The following NOC3L variants were observed in gnomAD, a reference collection of about 807,000 sequenced individuals.
The protein encoded by NOC3L is nucleolar complex protein 3 homolog.
In NOC3L, 85 loss-of-function variants were observed where a neutral mutation model predicts 102.5. That is an observed-to-expected ratio of 0.83 (90% CI 0.70 to 0.99). The LOEUF (loss-of-function observed/expected upper bound fraction) is 0.99, where lower values mean the gene tolerates loss of function less well. Ranked by LOEUF, NOC3L falls within the 50% of genes least tolerant of loss-of-function variation. The pLI is 0.00. For missense variants in NOC3L, 878 were observed against 914.9 expected (o/e 0.96, Z 0.52); for synonymous variants, 303 against 309.4 (o/e 0.98, Z 0.22).
chr10:94,327,169 A>C, the NOC3L span, among the ~76,000 whole-genome samples: 1 of 152,216 alleles, frequency 6.6e-6, no homozygotes, highest in Non-Finnish European at 1.5e-5. Context: ...TCAAAACAAA[A>C]GCTAGGGAGG....
chr10:94,319,864 C>CTTTTTTTTTTTTTTTTTTTT, the NOC3L span, among the ~76,000 whole-genome samples: 22 of 92,932 alleles, frequency 2.4e-4, no homozygotes, highest in African/African-American at 4.9e-4. Context: ...CAAAGGTGCT[C>CTTTTTTTTTTTTTTTTTTTT]TTTTTTTTTT....
At chr10:94,342,426 C>T (rs1426623170) in intron 13 of NOC3L, among the ~76,000 whole-genome samples, 1 of 151,870 alleles carries the variant, frequency 6.6e-6, no homozygotes, top group Non-Finnish European at 1.5e-5. Flanking sequence ...AATAAAAGAC[C>T]TTATGAGTGA....
At chr10:94,339,715 C>T (rs760726757) in intron 17 of NOC3L, 24 bp downstream of exon 17, 1 of 1,586,768 alleles carries the variant, frequency 6.3e-7, no homozygotes, top group South Asian at 1.1e-5. Context: ...GAACTTAGCT[C>T]TGTTCATTTG....
chr10:94,360,088 C>T (rs923065059), intron 2 of NOC3L, among the ~76,000 whole-genome samples: 27 of 152,174 alleles, frequency 1.8e-4, no homozygotes, highest in African/African-American at 5.8e-4. Flanking sequence ...GAGGCCAAGG[C>T]GGGCAGATCA....
the NOC3L span, chr10:94,322,145 T>A: frequency 1.6e-6 from 2 of 1,277,444 alleles, no homozygotes; most frequent in Admixed American, 3.5e-5. Context: ...GCTCATTTTA[T>A]GAGTGAAGTT....
the NOC3L span, chr10:94,315,595 C>A: frequency 2.3e-6 from 1 of 431,324 alleles, no homozygotes; most frequent in Admixed American, 2.5e-5. Context: ...ATGGTGAAAC[C>A]CTGTCTCCAC....
the NOC3L span, among the ~76,000 whole-genome samples, chr10:94,319,955 C>T: frequency 5.1e-4 from 74 of 146,484 alleles, no homozygotes; most frequent in Middle Eastern, 0.012. Context: ...CTGCAAATTC[C>T]GCCTCCCGGG....
At chr10:94,319,374 G>A in the NOC3L span, among the ~76,000 whole-genome samples, 102 of 152,304 alleles carry the variant, frequency 6.7e-4, no homozygotes, top group Non-Finnish European at 1.2e-3. Flanking sequence ...TACTAGAGGA[G>A]ACAGATTTGG....
Position 94,344,454 on chromosome 10 carries a change from C to T in NOC3L, c.1532G>A (p.Arg511Lys), listed in dbSNP as rs754730649. The change falls in exon 13 of 21, where the codon AGG (arginine) becomes AAG (lysine). Residue 511 changes from arginine (R) to lysine (K), a missense_variant. Arg to Lys is a conservative substitution (Grantham distance 26). Coordinates refer to ENST00000371361, the MANE Select transcript of NOC3L (RefSeq NM_022451.11). ...TYFRILKKAQ[R>K]SPLLPAVLEG... ...TAGAACTGCTGGCAGGAGAGGTGAC[C>T]TCTGGGCCTTCTTCAATATTCTGAA... 7 of 1,613,806 alleles carry T rather than the reference C, an allele frequency of 4.3e-6. No homozygotes were observed. The highest frequency in any genetic ancestry group is 5.9e-6 in the Non-Finnish European group (7 of 1,179,784).
intron 17 of NOC3L, among the ~76,000 whole-genome samples, chr10:94,339,168 C>T (rs1423360340): frequency 2.6e-5 from 4 of 152,182 alleles, no homozygotes; most frequent in Non-Finnish European, 2.9e-5. Context: ...CTGACTGGCA[C>T]TGCTACTCAA....
intron 13 of NOC3L, among the ~76,000 whole-genome samples, chr10:94,342,318 A>C (rs1186826389): frequency 6.6e-6 from 1 of 152,148 alleles, no homozygotes; most frequent in Non-Finnish European, 1.5e-5. Context: ...TAAATTTGAG[A>C]GTTACTCCAT....
intron 9 of NOC3L, among the ~76,000 whole-genome samples, chr10:94,349,865 T>C (rs554683608): frequency 7.2e-5 from 11 of 152,222 alleles, no homozygotes; most frequent in African/African-American, 2.6e-4. Flanking sequence ...TTCACGCCAT[T>C]CTCCTGCCTC....
At chr10:94,359,996 T>C (rs929240326) in intron 2 of NOC3L, among the ~76,000 whole-genome samples, 2 of 152,126 alleles carry the variant, frequency 1.3e-5, no homozygotes, top group Non-Finnish European at 2.9e-5. Flanking sequence ...GGAAACAACC[T>C]AAGTGTTCAT....
At chr10:94,336,043 G>A (rs1328634975) in intron 19 of NOC3L, among the ~76,000 whole-genome samples, 1 of 152,152 alleles carries the variant, frequency 6.6e-6, no homozygotes, top group Non-Finnish European at 1.5e-5. Flanking sequence ...CACTAAGCTT[G>A]TAGGAGTTAT....
At chr10:94,320,462 T>C in the NOC3L span, among the ~76,000 whole-genome samples, 1 of 152,224 alleles carries the variant, frequency 6.6e-6, no homozygotes, top group Non-Finnish European at 1.5e-5. Context: ...GTTGCAGTTT[T>C]GGCGCCACCT....
intron 2 of NOC3L, chr10:94,361,456 T>A (rs2054550106): frequency 3.8e-6 from 2 of 531,530 alleles, no homozygotes; most frequent in Non-Finnish European, 6.6e-6. Flanking sequence ...AAGCAGAAGC[T>A]TGAATGAATA....
chr10:94,323,418 C>T, the NOC3L span, among the ~76,000 whole-genome samples: 1 of 152,194 alleles, frequency 6.6e-6, no homozygotes, highest in Non-Finnish European at 1.5e-5. Context: ...TAGTAGTGTG[C>T]TGGTAAACCA....
intron 19 of NOC3L, among the ~76,000 whole-genome samples, chr10:94,336,102 C>CA (rs1196300157): frequency 2.6e-5 from 4 of 152,020 alleles, no homozygotes; most frequent in East Asian, 1.9e-4. Flanking sequence ...TTTTCACACA[C>CA]AAAAAAAATT....
At position 94,362,749 on chromosome 10, in the gene NOC3L, G is replaced by A. The variant is rs564338893; in HGVS notation, c.9+81C>T. On this transcript the variant is annotated intron_variant, in intron 1 of 20. Coordinates refer to ENST00000371361, the MANE Select transcript of NOC3L (RefSeq NM_022451.11). ...GCCCCCTAGACACGGGTGAAAACCT[G>A]CCTAAAAGCTAACTCAGGCAGTGAC... is the stretch of plus-strand genomic sequence containing the variant. The A allele has an allele frequency of 8.4e-5, 126 of 1,505,210 alleles. No homozygotes were observed. The highest frequency in any genetic ancestry group is 1.0e-4 in the Non-Finnish European group (112 of 1,081,382). 93.2% of individuals were successfully genotyped at this position (1,505,210 alleles called of 1,614,324 possible).
Sources: allele counts gnomAD v4.1 joint callset (sites outside exome capture counted in the v4.1 genomes callset), GRCh38; gene constraint gnomAD v4.1.1; transcripts MANE v1.5; gene names NCBI Gene and HGNC (gene_info 2026-07-23, HGNC 2026-07-21).